LARP1B: variants seen among roughly 807,000 people sequenced by gnomAD.
LARP1B encodes the protein La ribonucleoprotein 1B, also known as la-related protein 1B.
A neutral mutation model predicts 114.2 loss-of-function variants in LARP1B; 76 were observed. That is an observed-to-expected ratio of 0.67 (90% CI 0.55 to 0.81). LARP1B has a LOEUF of 0.81. Among genes scored for constraint, LARP1B ranks in the 30% least tolerant of loss-of-function variants. The pLI is 0.00. For synonymous variants in LARP1B, 345 were observed against 348.0 expected (o/e 0.99, Z 0.10); for missense variants, 1,014 against 1,075.8 (o/e 0.94, Z 0.80).
chr4:128,200,224 T>C (rs1322688326), intron 16 of LARP1B, among the ~76,000 whole-genome samples: 1 of 152,222 alleles, frequency 6.6e-6, no homozygotes, highest in Non-Finnish European at 1.5e-5. Context: ...CAGGGACCTG[T>C]TTCATGGAAG....
chr4:128,153,436 C>T (rs1434415075), intron 11 of LARP1B, among the ~76,000 whole-genome samples: 3 of 151,668 alleles, frequency 2.0e-5, no homozygotes, highest in Non-Finnish European at 4.4e-5. Context: ...TCTGCCTCAG[C>T]CACGGACTAC....
chr4:128,098,319 C>T lies in LARP1B; in HGVS notation c.802C>T (p.Leu268Phe). The part of the protein sequence containing the change: ...RVQALTTNLN[L>F]ILEALKDSTE... ...TCAGGCTCTCACTACAAACCTTAAT[C>T]TCATCTTAGAGGTAATTGCTCATTT... Residue 268 changes from leucine (L) to phenylalanine (F), a missense_variant, in exon 8 of 20, where the codon CTC becomes TTC. Leu to Phe is a conservative substitution (Grantham distance 22). Coordinates refer to ENST00000326639, the MANE Select transcript of LARP1B (RefSeq NM_018078.4). 2 of 1,612,160 alleles carry T rather than the reference C, an allele frequency of 1.2e-6. No homozygotes were observed. Among genetic ancestry groups the T allele is most frequent in the Non-Finnish European group, 1.7e-6 (2 of 1,178,948 alleles).
At chr4:128,205,242 T>A (rs1259185264) in intron 17 of LARP1B, among the ~76,000 whole-genome samples, 2 of 152,248 alleles carry the variant, frequency 1.3e-5, no homozygotes, top group Non-Finnish European at 2.9e-5. Context: ...CCCTGCTTCC[T>A]GTGACTGACA....
intron 13 of LARP1B, among the ~76,000 whole-genome samples, chr4:128,177,145 A>G (rs750368878): frequency 6.6e-5 from 10 of 152,236 alleles, no homozygotes; most frequent in Non-Finnish European, 1.2e-4. Context: ...GGCTTATTCT[A>G]GAGGCAAATG....
In LARP1B at chr4:128,162,185, C is replaced by T. The variant is rs79863344; in HGVS notation, c.1525-9C>T. ...AGTTTAGTAATTAGATTCCTCCATT[C>T]TACTTCAGCAAGAAGTTGAGAACTT... On this transcript the variant is annotated splice_polypyrimidine_tract_variant and intron_variant, in intron 11 of 19. Coordinates refer to ENST00000326639, the MANE Select transcript of LARP1B (RefSeq NM_018078.4). 12,971 of 1,611,108 alleles carry T rather than the reference C, an allele frequency of 8.1e-3. 809 individuals carry two copies. The African/African-American group carries it at 0.15, about 18-fold the overall frequency.
At chr4:128,163,587 A>G (rs548279965) in intron 12 of LARP1B, among the ~76,000 whole-genome samples, 3 of 152,284 alleles carry the variant, frequency 2.0e-5, no homozygotes, top group East Asian at 1.9e-4. Context: ...TTATTCTGAG[A>G]TAGAGTTCTT....
chr4:128,171,318 A>G (rs1419167515), intron 12 of LARP1B, among the ~76,000 whole-genome samples: 1 of 152,120 alleles, frequency 6.6e-6, no homozygotes, highest in Non-Finnish European at 1.5e-5. Context: ...TTGTGGAGAC[A>G]GGGTCTCACT....
intron 1 of LARP1B, among the ~76,000 whole-genome samples, chr4:128,071,367 A>G (rs1482608530): frequency 6.8e-6 from 1 of 148,002 alleles, no homozygotes; most frequent in East Asian, 2.0e-4. Context: ...TTTTAAAGTA[A>G]CTGTATAAAC....
chr4:128,082,112 AG>A, intron 4 of LARP1B, 52 bp from the exon 5 acceptor site: 1 of 1,538,180 alleles, frequency 6.5e-7, no homozygotes, highest in Non-Finnish European at 8.9e-7. Flanking sequence ...TCAAATTGCA[AG>A]GGTTTAGTGA....
At chr4:128,183,757 A>C (rs963358664) in intron 15 of LARP1B, among the ~76,000 whole-genome samples, 2 of 152,218 alleles carry the variant, frequency 1.3e-5, no homozygotes, top group African/African-American at 4.8e-5. Context: ...TAAATTGAAA[A>C]CATTCTGGAG....
intron 1 of LARP1B, among the ~76,000 whole-genome samples, chr4:128,067,192 C>T (rs1383767502): frequency 3.9e-5 from 6 of 152,072 alleles, no homozygotes; most frequent in Non-Finnish European, 8.8e-5. Flanking sequence ...GTGGGTACCT[C>T]TAAATCTATT....
At chr4:128,183,469 T>C (rs893444381) in intron 15 of LARP1B, among the ~76,000 whole-genome samples, 12 of 152,210 alleles carry the variant, frequency 7.9e-5, no homozygotes, top group African/African-American at 2.7e-4. Context: ...TACTAAATAT[T>C]TTAAGCCCAC....
intron 15 of LARP1B, among the ~76,000 whole-genome samples, chr4:128,186,389 G>T (rs1750369896): frequency 6.6e-6 from 1 of 151,694 alleles, no homozygotes; most frequent in African/African-American, 2.4e-5. Flanking sequence ...TTTCACTTTG[G>T]TTACACTTAT....
intron 12 of LARP1B, among the ~76,000 whole-genome samples, chr4:128,166,846 T>G (rs1411541802): frequency 6.6e-6 from 1 of 151,142 alleles, no homozygotes; most frequent in East Asian, 1.9e-4. Context: ...TCTGGCTTAT[T>G]TCATTTAGCA....
chr4:128,158,041 T>C (rs1328401035), intron 11 of LARP1B, among the ~76,000 whole-genome samples: 1 of 152,076 alleles, frequency 6.6e-6, no homozygotes, highest in East Asian at 1.9e-4. Flanking sequence ...TCAGGCAAAG[T>C]AGGTTTTTAA....
chr4:128,175,131 G>A (rs1475750880), intron 12 of LARP1B, among the ~76,000 whole-genome samples: 1 of 152,048 alleles, frequency 6.6e-6, no homozygotes, highest in Middle Eastern at 3.2e-3. Context: ...TTACCTGACT[G>A]TATCTTCTTC....
intron 11 of LARP1B, among the ~76,000 whole-genome samples, chr4:128,124,324 A>G (rs979259796): frequency 5.3e-5 from 8 of 152,214 alleles, no homozygotes; most frequent in Admixed American, 5.2e-4. Flanking sequence ...CCTCTGAGAA[A>G]GTCAGTAATA....
chr4:128,166,436 A>C (rs1740840653), intron 12 of LARP1B, among the ~76,000 whole-genome samples: 1 of 151,922 alleles, frequency 6.6e-6, no homozygotes, highest in South Asian at 2.1e-4. Context: ...ATCACCCTAC[A>C]AATATCCAGT....
At chr4:128,213,950 C>T (rs892566353), downstream of LARP1B, among the ~76,000 whole-genome samples, 14 of 151,614 alleles carry the variant, frequency 9.2e-5, no homozygotes, top group African/African-American at 2.2e-4. Flanking sequence ...GTGCGTGCAC[C>T]GTGCGCGAGC....
Sources: gnomAD v4.1 joint callset for allele counts (sites outside exome capture counted in the v4.1 genomes callset) on GRCh38, gnomAD v4.1.1 for gene constraint, MANE v1.5 for transcripts, NCBI Gene and HGNC (gene_info 2026-07-23, HGNC 2026-07-21) for gene names.